The following SMARCD3 variants were observed in gnomAD, a reference collection of about 807,000 sequenced individuals.
SMARCD3 encodes the protein SWI/SNF related BAF chromatin remodeling complex subunit D3.
In SMARCD3, 14 loss-of-function variants were observed where a neutral mutation model predicts 58.0. That is an observed-to-expected ratio of 0.24 (90% CI 0.16 to 0.38). SMARCD3 has a LOEUF of 0.38. Ranked by LOEUF, SMARCD3 falls within the 10% of genes least tolerant of loss-of-function variation. The pLI is 1.00. For synonymous variants in SMARCD3, 253 were observed against 253.8 expected (o/e 1.00, Z 0.03); for missense variants, 408 against 636.9 (o/e 0.64, Z 3.87).
intron 8 of SMARCD3, 100 bp from the exon 9 acceptor site, chr7:151,240,622 A>T: frequency 2.6e-6 from 2 of 776,322 alleles, no homozygotes; most frequent in Non-Finnish European, 2.0e-6. Flanking sequence ...AGAAGCTGAG[A>T]GGAAGTCTGA....
At chr7:151,275,326 TC>T (rs1452716041) in intron 1 of SMARCD3, 3 of 636,090 alleles carry the variant, frequency 4.7e-6, no homozygotes, top group Non-Finnish European at 8.6e-6. Flanking sequence ...GAAGCCAAAC[TC>T]CCCGGAGTGG....
At position 151,266,704 on chromosome 7, in the gene SMARCD3, G is replaced by A. The variant is rs187674447; in HGVS notation, c.39+8410C>T. ...CAGCGGCTTAACATCAGCCAATATG[G>A]GAGGTTTTTTTTGTTTGTTTGTTTT... On this transcript the variant is annotated intron_variant, in intron 2 of 13. Coordinates refer to the SMARCD3 transcript ENST00000356800. 1.4e-3 allele frequency among the ~76,000 whole-genome samples: 220 copies of A among 152,234 alleles called. 1 individual carries two copies. The highest frequency in any genetic ancestry group is 6.0e-3 in the South Asian group (29 of 4,822).
chr7:151,275,902 G>A (rs974249767), intron 1 of SMARCD3, among the ~76,000 whole-genome samples: 15 of 152,136 alleles, frequency 9.9e-5, no homozygotes, highest in South Asian at 4.1e-4. Flanking sequence ...TGTAGGAGCG[G>A]GGTGTGGGTG....
intron 2 of SMARCD3, among the ~76,000 whole-genome samples, chr7:151,262,023 G>A (rs1043530985): frequency 1.4e-4 from 21 of 152,268 alleles, no homozygotes; most frequent in African/African-American, 4.8e-4. Flanking sequence ...GGGGGCTGCA[G>A]CTTGGGCTGC....
At chr7:151,258,563 T>TAAAAAAAA (rs71196743) in intron 2 of SMARCD3, among the ~76,000 whole-genome samples, 1 of 117,024 alleles carries the variant, frequency 8.5e-6, no homozygotes, top group Non-Finnish European at 1.8e-5. Flanking sequence ...AGACTCTGCC[T>TAAAAAAAA]AAAAAAAAAA....
chr7:151,240,078 A>C (rs925103680), intron 10 of SMARCD3, 34 bp downstream of exon 10: 12 of 1,611,290 alleles, frequency 7.4e-6, no homozygotes, highest in Non-Finnish European at 9.3e-6. Flanking sequence ...TCTCTGGGTT[A>C]ATGTCCCACT....
rs1375907736 is a variant in SMARCD3, at chr7:151,259,603, T to TTTTTTG, written c.40-13933_40-13932insCAAAAA. On this transcript the variant is annotated intron_variant, in intron 2 of 13. Transcript: ENST00000356800. Reference sequence around the variant, plus strand: ...CCAGCTGAGGTTACAACCTGAGAGTTTTTTTTTTTTTTTTTTTTTTTTTGA... The same window carrying TTTTTTG: ...CCAGCTGAGGTTACAACCTGAGAGTTTTTTTGTTTTTTTTTTTTTTTTTTTTTTTGA... Among the ~76,000 whole-genome samples the TTTTTTG allele has an allele frequency of 9.8e-5, 9 of 91,608 alleles. No individual in the cohort carries two copies. In the South Asian group the frequency reaches 2.1e-3, roughly 22 times the overall value. 60.1% of individuals were successfully genotyped at this position (91,608 alleles called of 152,430 possible).
At chr7:151,259,595 C>T (rs1563682223) in intron 2 of SMARCD3, among the ~76,000 whole-genome samples, 1 of 108,646 alleles carries the variant, frequency 9.2e-6, no homozygotes, top group African/African-American at 4.2e-5. Context: ...AGGTTACAAC[C>T]TGAGAGTTTT....
chr7:151,245,387 C>T lies in SMARCD3; in HGVS notation c.290+73G>A, dbSNP rs1803207786. On this transcript the variant is annotated intron_variant, in intron 2 of 12. Coordinates refer to ENST00000262188, the MANE Select transcript of SMARCD3 (RefSeq NM_001003801.2). The surrounding 1 kb of genome is among the most constrained non-coding windows in gnomAD (Gnocchi z 6.2). ...CTCGCCCCTTCCAATCCCCGCTACT[C>T]GCTTACCTGGTCCCTGCGGGTCCCC... The T allele has an allele frequency of 3.5e-6, 2 of 565,680 alleles. No individual in the cohort carries two copies. Among genetic ancestry groups the T allele is most frequent in the Non-Finnish European group, 5.2e-6 (2 of 382,814 alleles). The allele number at this position is 565,680 out of a possible 1,614,324, so 35.0% of individuals were successfully genotyped here. A position where few individuals can be genotyped will look rare whatever the true frequency, so the allele number is the denominator to read the frequency against.
rs547020666 is a variant in SMARCD3, at chr7:151,248,245, C to T, written c.78+240G>A. ...GTAGAGTCCCCAAGTCCCACCCCCG[C>T]CCCTGACAAGAGCCATGCAAACGCC... is the stretch of plus-strand genomic sequence containing the variant. On this transcript the variant is annotated intron_variant, in intron 1 of 12. Coordinates refer to ENST00000262188, the MANE Select transcript of SMARCD3 (RefSeq NM_001003801.2). The surrounding 1 kb of genome is among the most constrained non-coding windows in gnomAD (Gnocchi z 6.1). 2.6e-5 allele frequency among the ~76,000 whole-genome samples: 4 copies of T among 152,106 alleles called. 1 individual carries two copies. In the South Asian group the frequency reaches 8.3e-4, roughly 32 times the overall value.
At chr7:151,268,545 G>A (rs372919267) in intron 2 of SMARCD3, among the ~76,000 whole-genome samples, 3 of 152,238 alleles carry the variant, frequency 2.0e-5, no homozygotes, top group Admixed American at 6.5e-5. Context: ...CTGAATAAAG[G>A]GGTGGCTGTC....
chr7:151,260,305 C>T (rs1211398907), intron 2 of SMARCD3, among the ~76,000 whole-genome samples: 1 of 152,134 alleles, frequency 6.6e-6, no homozygotes, highest in Non-Finnish European at 1.5e-5. Flanking sequence ...TCCCTGGAAG[C>T]CTGCAGAGCT....
Position 151,239,988 on chromosome 7 carries a change from CT to C in SMARCD3, c.1173+123del, listed in dbSNP as rs552440384. On this transcript the variant is annotated intron_variant, in intron 10 of 12. Transcript: ENST00000262188. The surrounding 1 kb of genome is among the most constrained non-coding windows in gnomAD (Gnocchi z 7.0). ...GTCCCATTGGCCCAGAGTCTGGTCT[CT>C]TTTTTTTTTTTTTTTTTAATTTAAC... 0.27 allele frequency: 221,483 copies of C among 807,168 alleles called. 1,733 individuals carry two copies. The highest frequency in any genetic ancestry group is 0.29 in the South Asian group (15,183 of 52,120). 50.0% of individuals were successfully genotyped at this position (807,168 alleles called of 1,614,324 possible).
At chr7:151,265,753 G>A (rs953698103) in intron 2 of SMARCD3, among the ~76,000 whole-genome samples, 23 of 152,156 alleles carry the variant, frequency 1.5e-4, no homozygotes, top group African/African-American at 4.6e-4. Context: ...CTCTGATCTC[G>A]GTCTCCTCAT....
At position 151,258,563 on chromosome 7, in the gene SMARCD3, T is replaced by TAA. The variant is rs71196743; in HGVS notation, c.40-12894_40-12893dup. On this transcript the variant is annotated intron_variant, in intron 2 of 13. Coordinates refer to the SMARCD3 transcript ENST00000356800. ...CTGGGCAACAGAGTGAGACTCTGCC[T>TAA]AAAAAAAAAAAAAAAAAGAAAAAGA... Among the ~76,000 whole-genome samples the TAA allele has an allele frequency of 1.9e-3, 225 of 116,968 alleles. No individual in the cohort carries two copies. The East Asian group carries it at 0.021, about 11-fold the overall frequency. 76.7% of individuals were successfully genotyped at this position (116,968 alleles called of 152,430 possible). A position where few individuals can be genotyped will look rare whatever the true frequency, so the allele number is the denominator to read the frequency against.
intron 2 of SMARCD3, among the ~76,000 whole-genome samples, chr7:151,271,267 G>A (rs1795167670): frequency 6.6e-6 from 1 of 152,180 alleles, no homozygotes; most frequent in African/African-American, 2.4e-5. Flanking sequence ...CCTGTGGCCA[G>A]CATTCCTCTT....
At chr7:151,261,628 G>A (rs1803920309) in intron 2 of SMARCD3, among the ~76,000 whole-genome samples, 1 of 152,190 alleles carries the variant, frequency 6.6e-6, no homozygotes, top group Non-Finnish European at 1.5e-5. Flanking sequence ...GCTTCCCAGT[G>A]GTCCTGCCTG....
chr7:151,240,059 C>T (rs1231333705), intron 10 of SMARCD3, 53 bp downstream of exon 10: 1 of 1,601,796 alleles, frequency 6.2e-7, no homozygotes, highest in Non-Finnish European at 8.5e-7. Flanking sequence ...AGAAAAGTCT[C>T]CTCTATCATC....
chr7:151,238,823 CTG>C lies in SMARCD3; in HGVS notation c.*278_*279del, dbSNP rs1802797020. 2.0e-6 allele frequency: 3 copies of C among 1,529,136 alleles called. No individual in the cohort carries two copies. The highest frequency in any genetic ancestry group is 2.6e-6 in the Non-Finnish European group (3 of 1,139,172). The allele number at this position is 1,529,136 out of a possible 1,614,324, so 94.7% of individuals were successfully genotyped here. On this transcript the variant is annotated 3_prime_UTR_variant, in exon 13 of 13. Transcript: ENST00000262188. Reference sequence around the variant, plus strand: ...GTTATTAAACATGTCTTCTGCCAAACTGTTTTTAGGTCTAGGGAAAATTGAGT... The same window carrying C: ...GTTATTAAACATGTCTTCTGCCAAACTTTTTAGGTCTAGGGAAAATTGAGT...
Sources: allele counts gnomAD v4.1 joint callset (sites outside exome capture counted in the v4.1 genomes callset), GRCh38; gene constraint gnomAD v4.1.1; non-coding constraint Gnocchi (gnomAD v3.1); transcripts MANE v1.5; gene names NCBI Gene and HGNC (gene_info 2026-07-23, HGNC 2026-07-21).